The following SPATA13 variants were observed in gnomAD, a reference collection of about 807,000 sequenced individuals.
The protein encoded by SPATA13 is spermatogenesis associated 13, also known as spermatogenesis-associated protein 13.
In SPATA13, 50 loss-of-function variants were observed where a neutral mutation model predicts 104.0. That is an observed-to-expected ratio of 0.48 (90% CI 0.38 to 0.61). The LOEUF (loss-of-function observed/expected upper bound fraction) is 0.61. Ranked by LOEUF, SPATA13 falls within the 20% of genes least tolerant of loss-of-function variation. The pLI is 0.00. For missense variants in SPATA13, 1,524 were observed against 1,690.6 expected (o/e 0.90, Z 1.73); for synonymous variants, 606 against 667.5 (o/e 0.91, Z 1.42).
chr13:24,173,365 TGTG>T (rs2138509691), intron 1 of SPATA13, among the ~76,000 whole-genome samples: 1 of 3,818 alleles, frequency 2.6e-4, no homozygotes, highest in African/African-American at 2.9e-4. Flanking sequence ...TTCTTAGTTG[TGTG>T]TGTGTGTGTG....
intron 3 of SPATA13, among the ~76,000 whole-genome samples, chr13:24,031,313 C>T (rs1199372646): frequency 6.6e-6 from 1 of 152,190 alleles, no homozygotes; most frequent in East Asian, 1.9e-4. Flanking sequence ...GGGAGACTCC[C>T]TTCCATTGGT....
At chr13:24,127,399 T>C (rs1387007983) in intron 3 of SPATA13, among the ~76,000 whole-genome samples, 1 of 152,204 alleles carries the variant, frequency 6.6e-6, no homozygotes, top group African/African-American at 2.4e-5. Context: ...CTCCCTCCAG[T>C]TCCCTGCCTG....
At chr13:24,029,416 C>G (rs1405381787) in intron 3 of SPATA13, among the ~76,000 whole-genome samples, 1 of 152,132 alleles carries the variant, frequency 6.6e-6, no homozygotes, top group Non-Finnish European at 1.5e-5. Context: ...TTAGGGCTGG[C>G]TGATAGCCAC....
intron 2 of SPATA13, among the ~76,000 whole-genome samples, chr13:24,007,669 T>G (rs1289790583): frequency 6.6e-6 from 1 of 152,158 alleles, no homozygotes; most frequent in African/African-American, 2.4e-5. Flanking sequence ...AAAATGGCTA[T>G]GGTGGCCAGG....
At chr13:24,089,128 G>C (rs1316551770) in intron 3 of SPATA13, among the ~76,000 whole-genome samples, 2 of 152,164 alleles carry the variant, frequency 1.3e-5, no homozygotes, top group Non-Finnish European at 2.9e-5. Flanking sequence ...ACTAAAAACA[G>C]TTCCACAGGG....
chr13:24,180,092 C>A (rs545472832), intron 1 of SPATA13, among the ~76,000 whole-genome samples: 3 of 152,102 alleles, frequency 2.0e-5, no homozygotes, highest in African/African-American at 7.2e-5. Context: ...AATCCAAGGC[C>A]GTGAAGATTT....
At chr13:24,191,531 A>G (rs1193928402) in intron 1 of SPATA13, among the ~76,000 whole-genome samples, 5 of 85,218 alleles carry the variant, frequency 5.9e-5, no homozygotes, top group African/African-American at 2.1e-4. Context: ...TTTTTTTGAG[A>G]TGGAGTCTTG....
upstream of SPATA13, among the ~76,000 whole-genome samples, chr13:24,160,092 G>T (rs372542668): frequency 4.6e-5 from 7 of 152,318 alleles, no homozygotes; most frequent in African/African-American, 1.4e-4. Flanking sequence ...TGGGAAACAT[G>T]TAGGTTTAAA....
chr13:24,156,298 G>A (rs531689124), upstream of SPATA13, among the ~76,000 whole-genome samples: 22 of 152,246 alleles, frequency 1.4e-4, 1 homozygote, highest in East Asian at 3.9e-3. Context: ...GCGTGAGACC[G>A]TTTATTCTCC....
rs1870666653 is a variant in SPATA13, at chr13:24,205,748, G to A, written c.-111-17071G>A. Among the ~76,000 whole-genome samples the A allele has an allele frequency of 6.6e-6, 1 of 152,016 alleles. No homozygotes were observed. Among genetic ancestry groups the A allele is most frequent in the African/African-American group, 2.4e-5 (1 of 41,370 alleles). ...TACAAGAACAGACAAATAGACAAAT[G>A]GAACAGAATAGAGAACCCAGAAATA... On this transcript the variant is annotated intron_variant, in intron 1 of 12. Transcript: ENST00000382108. The surrounding 1 kb of genome is among the most constrained non-coding windows in gnomAD (Gnocchi z 4.1).
At chr13:24,138,137 TAA>T (rs11321247) in intron 3 of SPATA13, among the ~76,000 whole-genome samples, 6 of 144,832 alleles carry the variant, frequency 4.1e-5, no homozygotes, top group African/African-American at 1.5e-4. Flanking sequence ...CCATCTCTTC[TAA>T]AAAAAAAAAA....
At chr13:24,173,431 C>A (rs1883078157) in intron 1 of SPATA13, among the ~76,000 whole-genome samples, 1 of 149,932 alleles carries the variant, frequency 6.7e-6, no homozygotes. Flanking sequence ...TCTATGTGGG[C>A]AATCATGTCA....
chr13:24,241,523 G>A (rs7984381), intron 2 of SPATA13, among the ~76,000 whole-genome samples: 30,609 of 152,204 alleles, frequency 0.2, 3,638 homozygotes, highest in South Asian at 0.31. Context: ...CATGGGTAAC[G>A]GGCTTTTATA....
chr13:24,059,180 C>T (rs1878689764), intron 3 of SPATA13, among the ~76,000 whole-genome samples: 1 of 151,620 alleles, frequency 6.6e-6, no homozygotes, highest in Admixed American at 6.6e-5. Context: ...ACCGTGTTAG[C>T]CAGGATGGTC....
At chr13:24,138,962 T>G (rs1244526191) in intron 3 of SPATA13, among the ~76,000 whole-genome samples, 4 of 152,160 alleles carry the variant, frequency 2.6e-5, no homozygotes, top group African/African-American at 9.7e-5. Flanking sequence ...AATAAACATG[T>G]TATTTCCTAG....
At chr13:24,298,551 G>T (rs1876953681) in intron 11 of SPATA13, among the ~76,000 whole-genome samples, 1 of 152,060 alleles carries the variant, frequency 6.6e-6, no homozygotes, top group Non-Finnish European at 1.5e-5. Flanking sequence ...AGCTCTTTAG[G>T]GTTTTGAGCA....
At chr13:24,105,414 C>T (rs1880408698) in intron 3 of SPATA13, among the ~76,000 whole-genome samples, 1 of 151,134 alleles carries the variant, frequency 6.6e-6, no homozygotes, top group Non-Finnish European at 1.5e-5. Flanking sequence ...GCTGGGATTA[C>T]AGGTGTGAGC....
chr13:24,105,086 T>G (rs1880393621), intron 3 of SPATA13, among the ~76,000 whole-genome samples: 1 of 151,858 alleles, frequency 6.6e-6, no homozygotes, highest in South Asian at 2.1e-4. Flanking sequence ...TTACCTCCAC[T>G]ATGGTACCTC....
At chr13:24,024,612 A>G (rs115519460) in intron 3 of SPATA13, among the ~76,000 whole-genome samples, 1,908 of 151,712 alleles carry the variant, frequency 0.013, 47 homozygotes, top group African/African-American at 0.044. Context: ...TGATCCCGCT[A>G]TGATGCATCC....
Sources: allele counts gnomAD v4.1 joint callset (sites outside exome capture counted in the v4.1 genomes callset), GRCh38; gene constraint gnomAD v4.1.1; non-coding constraint Gnocchi (gnomAD v3.1); transcripts MANE v1.5; gene names NCBI Gene and HGNC (gene_info 2026-07-23, HGNC 2026-07-21).